C5: variants seen among roughly 807,000 people sequenced by gnomAD.
C5 encodes C3 and PZP-like alpha-2-macroglobulin domain-containing protein 4.
Under a neutral mutation model 218.8 loss-of-function variants are expected in C5, and 140 were observed. The ratio of observed to expected loss-of-function variants is 0.64; its 90% CI spans 0.56 to 0.74. The LOEUF (loss-of-function observed/expected upper bound fraction) is 0.74, where lower values mean the gene tolerates loss of function less well. Among genes scored for constraint, C5 ranks in the 30% least tolerant of loss-of-function variants. C5 has a pLI of 0.00. For missense variants in C5, 1,700 were observed against 1,969.6 expected (o/e 0.86, Z 2.59); for synonymous variants, 614 against 682.3 (o/e 0.90, Z 1.56).
At chr9:121,031,101 GT>G in intron 6 of C5, among the ~76,000 whole-genome samples, 1 of 152,104 alleles carries the variant, frequency 6.6e-6, no homozygotes, top group Middle Eastern at 3.4e-3. Flanking sequence ...CTTGTTAATT[GT>G]TAAAATTTGT....
chr9:121,004,492 G>T (rs1467227941), intron 20 of C5, among the ~76,000 whole-genome samples: 1 of 152,170 alleles, frequency 6.6e-6, no homozygotes, highest in African/African-American at 2.4e-5. Context: ...GCTTATTCGA[G>T]CCCAGGAGCA....
the C5 span, among the ~76,000 whole-genome samples, chr9:121,058,420 A>G: frequency 6.6e-6 from 1 of 152,082 alleles, no homozygotes; most frequent in African/African-American, 2.4e-5. Flanking sequence ...CTCCAGATAT[A>G]TGTGTGTATA....
At chr9:121,070,364 AGAAGGAAG>A in the C5 span, among the ~76,000 whole-genome samples, 2 of 140,596 alleles carry the variant, frequency 1.4e-5, no homozygotes, top group Non-Finnish European at 3.0e-5. Flanking sequence ...AAAGAAAGAA[AGAAGGAAG>A]GAAGGAAGGG....
In C5 at chr9:121,045,035, C is replaced by T. The variant is rs533741602; in HGVS notation, c.258+1156G>A. Among the ~76,000 whole-genome samples the T allele has an allele frequency of 7.9e-5, 12 of 150,952 alleles. No homozygotes were observed. The East Asian group carries it at 1.4e-3, about 17-fold the overall frequency. ...CGCGATCTTGGCTCACTGCAACCTC[C>T]GCCTTCTGGGTTCAAGCGATTCTCC... On this transcript the variant is annotated intron_variant, in intron 2 of 40. Coordinates refer to ENST00000223642, the MANE Select transcript of C5 (RefSeq NM_001735.3).
chr9:121,054,138 C>T (rs756317325), upstream of C5, among the ~76,000 whole-genome samples: 22 of 152,088 alleles, frequency 1.4e-4, no homozygotes, highest in Non-Finnish European at 2.9e-4. Context: ...TACCCCCTCC[C>T]TTTGGAGTTT....
chr9:121,050,263 AAACCACGGATAT>A lies in C5; in HGVS notation c.-29_-18del, dbSNP rs763623007. On this transcript the variant is annotated 5_prime_UTR_variant, in exon 1 of 41. Transcript: ENST00000223642. Reference sequence around the variant, plus strand: ...AAGGCCCATGGTTGGAGGTAGCAGGAAACCACGGATATAACACTTTTGAGGATAGTCTCCTTT... The same window carrying A: ...AAGGCCCATGGTTGGAGGTAGCAGGAAACACTTTTGAGGATAGTCTCCTTT... The A allele has an allele frequency of 1.9e-6, 3 of 1,603,060 alleles. No homozygotes were observed. Among genetic ancestry groups the A allele is most frequent in the African/African-American group, 2.7e-5 (2 of 74,830 alleles).
upstream of C5, among the ~76,000 whole-genome samples, chr9:121,052,897 T>C (rs7040271): frequency 0.12 from 18,281 of 152,252 alleles, 1,585 homozygotes; most frequent in African/African-American, 0.24. Flanking sequence ...CTCTTTTTTA[T>C]GTATAATAAA....
chr9:121,062,070 T>C, the C5 span, among the ~76,000 whole-genome samples: 1 of 152,166 alleles, frequency 6.6e-6, no homozygotes, highest in Non-Finnish European at 1.5e-5. Context: ...TTGTTTTTCT[T>C]TTTTTCTTTT....
chr9:121,027,574 A>G (rs1200271649), intron 7 of C5, among the ~76,000 whole-genome samples: 1 of 152,246 alleles, frequency 6.6e-6, no homozygotes, highest in Admixed American at 6.5e-5. Flanking sequence ...GACAAACCTG[A>G]CAAAAACAAG....
intron 22 of C5, among the ~76,000 whole-genome samples, chr9:120,992,280 T>C (rs1379467102): frequency 6.6e-6 from 1 of 152,250 alleles, no homozygotes; most frequent in Non-Finnish European, 1.5e-5. Context: ...ATGCAGAGGA[T>C]ATATCAAAAT....
the C5 span, among the ~76,000 whole-genome samples, chr9:121,071,424 C>A: frequency 6.6e-6 from 1 of 151,934 alleles, no homozygotes; most frequent in East Asian, 1.9e-4. Context: ...CTGGCTCATG[C>A]GTGTAATCCC....
At chr9:120,996,823 A>C (rs1440373806) in intron 21 of C5, among the ~76,000 whole-genome samples, 1 of 152,234 alleles carries the variant, frequency 6.6e-6, no homozygotes, top group Admixed American at 6.5e-5. Context: ...AGAGCCAGGA[A>C]ATCCAGTCTG....
At chr9:120,966,907 G>C (rs1472675802) in intron 33 of C5, among the ~76,000 whole-genome samples, 1 of 152,078 alleles carries the variant, frequency 6.6e-6, no homozygotes, top group Non-Finnish European at 1.5e-5. Context: ...TGGGAGGGAG[G>C]CAGGGAGAAA....
upstream of C5, among the ~76,000 whole-genome samples, chr9:121,051,206 T>C (rs948561655): frequency 6.6e-6 from 1 of 150,892 alleles, no homozygotes; most frequent in African/African-American, 2.4e-5. Flanking sequence ...CAGGGCAACC[T>C]CTGCCTCCCA....
chr9:120,964,827 G>A (rs914446886), intron 33 of C5, among the ~76,000 whole-genome samples: 1 of 152,180 alleles, frequency 6.6e-6, no homozygotes, highest in East Asian at 1.9e-4. Context: ...AAAATTAACT[G>A]TGAAGAAGTA....
intron 12 of C5, among the ~76,000 whole-genome samples, chr9:121,019,485 C>G (rs41309040): frequency 0.11 from 16,140 of 152,166 alleles, 915 homozygotes; most frequent in African/African-American, 0.14. Flanking sequence ...GGATGTTGCT[C>G]AGCTACGGAA....
chr9:121,027,142 T>C lies in C5; in HGVS notation c.873+18A>G. 2 of 1,333,324 alleles carry C rather than the reference T, an allele frequency of 1.5e-6. No homozygotes were observed. Among genetic ancestry groups the C allele is most frequent in the Non-Finnish European group, 2.1e-6 (2 of 933,466 alleles). 82.6% of individuals were successfully genotyped at this position (1,333,324 alleles called of 1,614,324 possible). On this transcript the variant is annotated intron_variant, in intron 8 of 40. Coordinates refer to ENST00000223642, the MANE Select transcript of C5 (RefSeq NM_001735.3). ...GGATGCATCTGTAGGTGTGAGTGAC[T>C]GTGTCTTAACATCTTACCATTGTGT...
intron 14 of C5, among the ~76,000 whole-genome samples, chr9:121,016,812 T>C (rs1014672902): frequency 2.0e-5 from 3 of 152,214 alleles, no homozygotes; most frequent in Admixed American, 1.3e-4. Context: ...AGGTTCTAAA[T>C]GGCTGAAGAC....
intron 11 of C5, among the ~76,000 whole-genome samples, chr9:121,020,637 G>A (rs2047356993): frequency 6.6e-6 from 1 of 152,178 alleles, no homozygotes; most frequent in African/African-American, 2.4e-5. Context: ...TTGTGAAGTA[G>A]AGGCACAGAT....
Sources: allele counts gnomAD v4.1 joint callset (sites outside exome capture counted in the v4.1 genomes callset), GRCh38; gene constraint gnomAD v4.1.1; transcripts MANE v1.5; gene names NCBI Gene and HGNC (gene_info 2026-07-23, HGNC 2026-07-21).